Variants in FBXL17 observed in about 807,000 individuals in gnomAD.
The protein encoded by FBXL17 is F-box/LRR-repeat protein 17.
FBXL17 carries 22 observed loss-of-function variants against 66.2 expected under a neutral mutation model. That is an observed-to-expected ratio of 0.33 (90% CI 0.24 to 0.47). The LOEUF is 0.47. Among genes scored for constraint, FBXL17 ranks in the 20% least tolerant of loss-of-function variants. The pLI, the probability that FBXL17 is intolerant of heterozygous loss-of-function variation, is 1.00. For missense variants in FBXL17, 878 were observed against 948.2 expected, an observed-to-expected ratio of 0.93 and a Z score of 0.97; for synonymous variants, 474 against 400.5, an observed-to-expected ratio of 1.18 and a Z score of -2.19.
At chr5:107,966,355 C>T (rs1752139414) in intron 7 of FBXL17, among the ~76,000 whole-genome samples, 3 of 152,156 alleles carry the variant, frequency 2.0e-5, no homozygotes, top group Non-Finnish European at 1.5e-5. Flanking sequence ...TGAGACCCTG[C>T]AGTCTCCAAG....
chr5:108,307,070 C>A (rs561253778), intron 4 of FBXL17, among the ~76,000 whole-genome samples: 1 of 151,886 alleles, frequency 6.6e-6, no homozygotes, highest in South Asian at 2.1e-4. Flanking sequence ...TACCCCTATA[C>A]CTCTCACTTC....
chr5:107,865,424 G>C (rs1331501956), intron 8 of FBXL17, among the ~76,000 whole-genome samples: 1 of 152,062 alleles, frequency 6.6e-6, no homozygotes, highest in East Asian at 1.9e-4. Flanking sequence ...TATTTTGCCA[G>C]CTCCCCCAAG....
intron 6 of FBXL17, among the ~76,000 whole-genome samples, chr5:108,127,389 C>T (rs1044139740): frequency 6.6e-6 from 1 of 152,194 alleles, no homozygotes; most frequent in African/African-American, 2.4e-5. Context: ...GCTGTGCTGG[C>T]ACAAGGGGCT....
At chr5:108,004,005 A>C (rs1361611549) in intron 7 of FBXL17, among the ~76,000 whole-genome samples, 1 of 152,210 alleles carries the variant, frequency 6.6e-6, no homozygotes, top group Non-Finnish European at 1.5e-5. Flanking sequence ...AAATAAAAAG[A>C]AACACATAGG....
intron 8 of FBXL17, among the ~76,000 whole-genome samples, chr5:107,874,522 G>C (rs1243008362): frequency 6.6e-6 from 1 of 152,186 alleles, no homozygotes; most frequent in East Asian, 1.9e-4. Flanking sequence ...GGCTTTTAGA[G>C]ATTAAGCTGC....
intron 4 of FBXL17, among the ~76,000 whole-genome samples, chr5:108,294,740 CA>C (rs1211512131): frequency 2.6e-5 from 4 of 151,908 alleles, no homozygotes; most frequent in South Asian, 4.2e-4. Context: ...GAAAACTCAT[CA>C]AGACAACAAA....
intron 7 of FBXL17, among the ~76,000 whole-genome samples, chr5:107,894,147 T>C (rs1749296164): frequency 1.3e-5 from 2 of 152,156 alleles, no homozygotes; most frequent in South Asian, 4.1e-4. Context: ...AACTTTTACT[T>C]ACAGGGAGAA....
At chr5:107,957,691 A>G (rs907418520) in intron 7 of FBXL17, among the ~76,000 whole-genome samples, 1 of 152,194 alleles carries the variant, frequency 6.6e-6, no homozygotes, top group African/African-American at 2.4e-5. Flanking sequence ...ACGCCCAAAC[A>G]CTGCACAAAC....
chr5:108,136,638 A>T (rs187450291), intron 6 of FBXL17, among the ~76,000 whole-genome samples: 1 of 152,304 alleles, frequency 6.6e-6, no homozygotes, highest in Admixed American at 6.5e-5. Context: ...ATACTAATAC[A>T]TAAAACTGAT....
intron 7 of FBXL17, among the ~76,000 whole-genome samples, chr5:107,924,059 T>C (rs12515141): frequency 2.3e-5 from 2 of 86,160 alleles, no homozygotes; most frequent in Non-Finnish European, 4.8e-5. Context: ...ATGAGCTTAG[T>C]GTTTTTTTTT....
At chr5:107,890,681 A>G (rs66609948) in intron 7 of FBXL17, among the ~76,000 whole-genome samples, 38 of 150,254 alleles carry the variant, frequency 2.5e-4, no homozygotes, top group Non-Finnish European at 3.1e-4. Flanking sequence ...AAAAAAAAAA[A>G]TTGTCTAACC....
At chr5:108,287,317 G>T (rs1206917073) in intron 4 of FBXL17, among the ~76,000 whole-genome samples, 1 of 152,162 alleles carries the variant, frequency 6.6e-6, no homozygotes, top group East Asian at 1.9e-4. Context: ...ACTACTGACA[G>T]AGTAAACAGA....
intron 7 of FBXL17, among the ~76,000 whole-genome samples, chr5:108,003,185 G>GA (rs1753800395): frequency 6.6e-6 from 1 of 152,138 alleles, no homozygotes. Flanking sequence ...GTGATAAGGG[G>GA]AAAAAATATC....
At position 107,925,897 on chromosome 5, in the gene FBXL17, AAAG is replaced by A. The variant is rs796862302; in HGVS notation, c.1823-44721_1823-44719del. On this transcript the variant is annotated intron_variant, in intron 7 of 8. Coordinates refer to ENST00000542267, the MANE Select transcript of FBXL17 (RefSeq NM_001163315.3). ...ATATGCAAACAGACTACTAATACTA[AAAG>A]AAGGGTTTCATGCTTTCACAGACTT... is the stretch of plus-strand genomic sequence containing the variant. Among the ~76,000 whole-genome samples, 16 of 152,296 alleles carry A rather than the reference AAAG, an allele frequency of 1.1e-4. 1 individual carries two copies. Among genetic ancestry groups the A allele is most frequent in the African/African-American group, 3.8e-4 (16 of 41,570 alleles).
intron 4 of FBXL17, among the ~76,000 whole-genome samples, chr5:108,310,847 A>G (rs974908142): frequency 3.9e-5 from 6 of 152,184 alleles, no homozygotes; most frequent in African/African-American, 1.2e-4. Flanking sequence ...TGTCCTACAT[A>G]TGAATTGCCT....
At chr5:108,290,159 A>G (rs1398387379) in intron 4 of FBXL17, among the ~76,000 whole-genome samples, 1 of 152,188 alleles carries the variant, frequency 6.6e-6, no homozygotes, top group African/African-American at 2.4e-5. Context: ...TTAACTGGCA[A>G]CATTTTTTCT....
intron 7 of FBXL17, among the ~76,000 whole-genome samples, chr5:107,893,392 A>T (rs1405726005): frequency 6.6e-6 from 1 of 152,222 alleles, no homozygotes; most frequent in African/African-American, 2.4e-5. Flanking sequence ...TAGATTCAGC[A>T]TGAAGCTAAT....
chr5:108,218,076 G>A (rs1181652665), intron 5 of FBXL17, among the ~76,000 whole-genome samples: 4 of 143,152 alleles, frequency 2.8e-5, no homozygotes, highest in Non-Finnish European at 6.0e-5. Flanking sequence ...GGAGTGCAGT[G>A]GCCACTGCAA....
At chr5:107,887,235 T>C (rs982720416) in intron 7 of FBXL17, among the ~76,000 whole-genome samples, 1 of 152,190 alleles carries the variant, frequency 6.6e-6, no homozygotes, top group African/African-American at 2.4e-5. Context: ...AAAGTATGGA[T>C]AAGCTAAGAA....
Sources: gnomAD v4.1 joint callset for allele counts (sites outside exome capture counted in the v4.1 genomes callset) on GRCh38, gnomAD v4.1.1 for gene constraint, MANE v1.5 for transcripts, NCBI Gene and HGNC (gene_info 2026-07-23, HGNC 2026-07-21) for gene names.